EPB41L3: variants seen among roughly 807,000 people sequenced by gnomAD.
The protein encoded by EPB41L3 is erythrocyte membrane protein band 4.1 like 3.
In EPB41L3, 57 loss-of-function variants were observed where a neutral mutation model predicts 127.1. That is an observed-to-expected ratio of 0.45 (90% CI 0.36 to 0.56). EPB41L3 has a LOEUF of 0.56. Among genes scored for constraint, EPB41L3 ranks in the 20% least tolerant of loss-of-function variants. The probability of loss-of-function intolerance (pLI) is 0.00; values close to 1 mark genes in which losing one functional copy is unlikely to be tolerated. For missense variants in EPB41L3, 1,273 were observed against 1,372.2 expected, an observed-to-expected ratio of 0.93 and a Z score of 1.14; for synonymous variants, 572 against 549.5, an observed-to-expected ratio of 1.04 and a Z score of -0.57.
At chr18:5,425,984 T>C (rs1038746270) in intron 9 of EPB41L3, among the ~76,000 whole-genome samples, 1 of 152,192 alleles carries the variant, frequency 6.6e-6, no homozygotes, top group Non-Finnish European at 1.5e-5. Context: ...TTCTGTAACA[T>C]ATGATACTGC....
At chr18:5,564,248 A>C (rs2094170191) in intron 3 of EPB41L3, among the ~76,000 whole-genome samples, 1 of 152,188 alleles carries the variant, frequency 6.6e-6, no homozygotes, top group African/African-American at 2.4e-5. Context: ...ACTAATAATA[A>C]TAATTGCTAT....
rs2082731116 is a variant in EPB41L3, at chr18:5,454,378, T to C, written c.382-9134A>G. Among the ~76,000 whole-genome samples the C allele has an allele frequency of 1.3e-5, 2 of 152,078 alleles. 1 individual carries two copies. Among genetic ancestry groups the C allele is most frequent in the South Asian group, 4.1e-4 (2 of 4,822 alleles). ...GAAAGACAAGGCACCAGCTATCCTA[T>C]GTGAATCTCCTGCCTTTTTGGGCTG... On this transcript the variant is annotated intron_variant, in intron 3 of 22. Transcript: ENST00000341928.
chr18:5,618,235 A>G (rs1311630906), intron 1 of EPB41L3, among the ~76,000 whole-genome samples: 1 of 152,220 alleles, frequency 6.6e-6, no homozygotes, highest in Admixed American at 6.5e-5. Context: ...CCCTAAGGCT[A>G]AAAAAGCCAG....
At chr18:5,458,506 A>G (rs553597644) in intron 3 of EPB41L3, among the ~76,000 whole-genome samples, 6 of 152,318 alleles carry the variant, frequency 3.9e-5, no homozygotes, top group African/African-American at 1.4e-4. Context: ...TCTGGACACC[A>G]TCTGATTAGT....
intron 1 of EPB41L3, among the ~76,000 whole-genome samples, chr18:5,614,867 A>G (rs2094774503): frequency 6.6e-6 from 1 of 152,238 alleles, no homozygotes; most frequent in Non-Finnish European, 1.5e-5. Context: ...TAAAAAGAAA[A>G]TAATTATACA....
At chr18:5,404,697 C>A (rs187797982) in intron 16 of EPB41L3, among the ~76,000 whole-genome samples, 82 of 152,320 alleles carry the variant, frequency 5.4e-4, no homozygotes, top group African/African-American at 1.5e-3. Context: ...CCTTTAAATT[C>A]TCTAAGTTGT....
At position 5,557,700 on chromosome 18, in the gene EPB41L3, A is replaced by G. The variant is rs1207262488; in HGVS notation, c.-306+54640T>C. On this transcript the variant is annotated intron_variant, in intron 3 of 21. Transcript: ENST00000545076. ...GTGCCCAGGCACTCAAAACATTTTT[A>G]TAGCATTTACTTGAGAAGTTCTCTC... Among the ~76,000 whole-genome samples the G allele has an allele frequency of 2.6e-5, 4 of 152,176 alleles. No individual in the cohort carries two copies. The South Asian group carries it at 6.2e-4, about 24-fold the overall frequency.
At chr18:5,561,637 T>C (rs2094136970) in intron 3 of EPB41L3, among the ~76,000 whole-genome samples, 2 of 152,192 alleles carry the variant, frequency 1.3e-5, no homozygotes, top group South Asian at 4.1e-4. Context: ...ACAGTAATAA[T>C]TGCTACAGAG....
intron 3 of EPB41L3, chr18:5,463,737 C>T (rs1027850944): frequency 6.6e-6 from 1 of 152,188 alleles, no homozygotes; most frequent in Non-Finnish European, 1.5e-5. Context: ...CCCAGTGTCT[C>T]CATGAGGATG....
intron 3 of EPB41L3, among the ~76,000 whole-genome samples, chr18:5,604,512 G>C (rs1043512663): frequency 1.9e-4 from 29 of 151,996 alleles, no homozygotes; most frequent in Non-Finnish European, 3.5e-4. Flanking sequence ...GGAGTGCAGT[G>C]GCACAATCTT....
At chr18:5,469,554 G>C (rs1388204447) in intron 3 of EPB41L3, among the ~76,000 whole-genome samples, 1 of 152,156 alleles carries the variant, frequency 6.6e-6, no homozygotes, top group African/African-American at 2.4e-5. Flanking sequence ...ACAGGTGTGG[G>C]ATCTGGGCCA....
At chr18:5,429,190 A>C (rs2078641281) in intron 8 of EPB41L3, 1 of 152,224 alleles carries the variant, frequency 6.6e-6, no homozygotes. Context: ...CACATATATA[A>C]ATATAAATAC....
intron 3 of EPB41L3, among the ~76,000 whole-genome samples, chr18:5,553,641 A>G (rs138672086): frequency 2.6e-5 from 4 of 152,368 alleles, no homozygotes; most frequent in Middle Eastern, 6.8e-3. Context: ...ATCCATCAGT[A>G]GATCCCGCTG....
At chr18:5,545,659 C>T (rs539494692), upstream of EPB41L3, among the ~76,000 whole-genome samples, 37 of 152,124 alleles carry the variant, frequency 2.4e-4, no homozygotes, top group Non-Finnish European at 5.1e-4. Flanking sequence ...AAGACTAGAA[C>T]AGATGGGCAA....
intron 5 of EPB41L3, among the ~76,000 whole-genome samples, chr18:5,443,169 T>C (rs2033658400): frequency 6.6e-6 from 1 of 152,202 alleles, no homozygotes; most frequent in East Asian, 1.9e-4. Context: ...TAAATTTTAA[T>C]ATTGACAATT....
chr18:5,579,917 T>C (rs2094375435), intron 3 of EPB41L3, among the ~76,000 whole-genome samples: 1 of 152,212 alleles, frequency 6.6e-6, no homozygotes, highest in South Asian at 2.1e-4. Context: ...ACTGACACTG[T>C]TGGTTGCTTA....
intron 1 of EPB41L3, among the ~76,000 whole-genome samples, chr18:5,519,892 CCTTATCTG>C (rs1475234257): frequency 1.3e-5 from 2 of 152,290 alleles, no homozygotes; most frequent in East Asian, 3.9e-4. Context: ...TGACGAATAT[CCTTATCTG>C]CACAGCACTG....
intron 4 of EPB41L3, among the ~76,000 whole-genome samples, chr18:5,444,755 T>C (rs1259474129): frequency 6.6e-6 from 1 of 152,200 alleles, no homozygotes; most frequent in South Asian, 2.1e-4. Flanking sequence ...AATATCGTCA[T>C]AGAATTTTGG....
At chr18:5,479,942 C>A (rs1019272928) in intron 2 of EPB41L3, 3 of 151,692 alleles carry the variant, frequency 2.0e-5, no homozygotes. Context: ...TATTGTATAT[C>A]AACAACAATA....
Sources: gnomAD v4.1 joint callset for allele counts (sites outside exome capture counted in the v4.1 genomes callset) on GRCh38, gnomAD v4.1.1 for gene constraint, MANE v1.5 for transcripts, NCBI Gene and HGNC (gene_info 2026-07-23, HGNC 2026-07-21) for gene names.